Variants in CSTF3 observed in about 807,000 individuals in gnomAD.
CSTF3 encodes CF-1 77 kDa subunit.
CSTF3 carries 29 observed loss-of-function variants against 105.8 expected under a neutral mutation model. The ratio of observed to expected loss-of-function variants is 0.27; its 90% confidence interval spans 0.20 to 0.37. CSTF3 has a LOEUF of 0.37. CSTF3 is among the 10% of genes least tolerant of loss of function. The pLI is 1.00. For synonymous variants in CSTF3, 252 were observed against 281.9 expected (o/e 0.89, Z 1.06); for missense variants, 357 against 879.3 (o/e 0.41, Z 7.51).
chr11:33,118,041 A>C (rs1481469645), intron 3 of CSTF3, among the ~76,000 whole-genome samples: 1 of 151,646 alleles, frequency 6.6e-6, no homozygotes, highest in East Asian at 1.9e-4. Flanking sequence ...AAATAACTCA[A>C]CATTTTCTTT....
chr11:33,128,091 AGG>A (rs1376542284), intron 3 of CSTF3, among the ~76,000 whole-genome samples: 3 of 152,320 alleles, frequency 2.0e-5, no homozygotes, highest in Non-Finnish European at 2.9e-5. Context: ...GTGGTATCTT[AGG>A]ATTCCCATTT....
At chr11:33,104,273 C>T (rs899966502) in intron 8 of CSTF3, among the ~76,000 whole-genome samples, 1 of 152,142 alleles carries the variant, frequency 6.6e-6, no homozygotes, top group African/African-American at 2.4e-5. Flanking sequence ...AAATAGTTGT[C>T]ATTATAACAC....
chr11:33,084,954 A>G lies in CSTF3; in HGVS notation c.*133T>C, dbSNP rs1389058101. Reference sequence around the variant, plus strand: ...GTTGGTTTGTTTTTTCTCAAGAACCATGTGATAGAGGCACCAATGACAATA... The same window carrying G: ...GTTGGTTTGTTTTTTCTCAAGAACCGTGTGATAGAGGCACCAATGACAATA... On this transcript the variant is annotated 3_prime_UTR_variant, in exon 21 of 21. Coordinates refer to ENST00000323959, the MANE Select transcript of CSTF3 (RefSeq NM_001326.3). 1.1e-6 allele frequency: 1 copy of G among 941,772 alleles called. No homozygotes were observed. Among genetic ancestry groups the G allele is most frequent in the South Asian group, 1.4e-5 (1 of 69,844 alleles). 58.3% of individuals were successfully genotyped at this position (941,772 alleles called of 1,614,324 possible).
chr11:33,098,898 A>G, intron 12 of CSTF3, 134 bp from the exon 13 acceptor site: 1 of 1,354,006 alleles, frequency 7.4e-7, no homozygotes, highest in Non-Finnish European at 1.0e-6. Flanking sequence ...GTATAAGCTG[A>G]CAACTAATAA....
intron 1 of CSTF3, among the ~76,000 whole-genome samples, chr11:33,145,552 G>A (rs193041602): frequency 6.6e-6 from 1 of 152,314 alleles, no homozygotes; most frequent in African/African-American, 2.4e-5. Flanking sequence ...GCTCATGCCT[G>A]TAATAATCCC....
At chr11:33,137,775 T>C (rs1855670606) in intron 3 of CSTF3, among the ~76,000 whole-genome samples, 2 of 113,900 alleles carry the variant, frequency 1.8e-5, no homozygotes, top group Non-Finnish European at 4.0e-5. Flanking sequence ...CAGATTTTTT[T>C]TGGTAAAAAG....
chr11:33,119,096 C>T (rs533891571), intron 3 of CSTF3, among the ~76,000 whole-genome samples: 10 of 151,614 alleles, frequency 6.6e-5, no homozygotes, highest in African/African-American at 2.4e-4. Context: ...GTTCAGAAAA[C>T]CATTTACTTA....
intron 1 of CSTF3, among the ~76,000 whole-genome samples, chr11:33,148,714 C>T (rs934921153): frequency 4.0e-5 from 6 of 151,440 alleles, no homozygotes; most frequent in Non-Finnish European, 5.9e-5. Flanking sequence ...AAAAACTATG[C>T]TCTCTAGTTG....
At chr11:33,098,090 T>G (rs1855243443) in intron 13 of CSTF3, among the ~76,000 whole-genome samples, 2 of 152,232 alleles carry the variant, frequency 1.3e-5, no homozygotes, top group East Asian at 3.9e-4. Flanking sequence ...TATAAATCAT[T>G]AACAAGAAAA....
intron 13 of CSTF3, among the ~76,000 whole-genome samples, chr11:33,097,817 C>G (rs141314398): frequency 6.6e-6 from 1 of 152,286 alleles, no homozygotes; most frequent in South Asian, 2.1e-4. Flanking sequence ...CATGAGTATG[C>G]AGTTTTGTTT....
chr11:33,101,565 A>C (rs551305518), intron 10 of CSTF3, among the ~76,000 whole-genome samples: 1 of 152,368 alleles, frequency 6.6e-6, no homozygotes, highest in Admixed American at 6.5e-5. Flanking sequence ...CTAAGCCTCC[A>C]CAAAGTCCAA....
chr11:33,085,331 A>C (rs1564999946), intron 20 of CSTF3, 42 bp from the exon 21 acceptor site: 1 of 1,465,096 alleles, frequency 6.8e-7, no homozygotes. Context: ...ATATTCCACT[A>C]TGAAAGGGTA....
At chr11:33,123,433 T>C (rs1302651414) in intron 3 of CSTF3, among the ~76,000 whole-genome samples, 1 of 152,100 alleles carries the variant, frequency 6.6e-6, no homozygotes, top group Non-Finnish European at 1.5e-5. Context: ...TATGACAACC[T>C]CTGTGGAAGA....
chr11:33,147,135 A>C (rs1287644800), intron 1 of CSTF3, among the ~76,000 whole-genome samples: 1 of 152,034 alleles, frequency 6.6e-6, no homozygotes, highest in Non-Finnish European at 1.5e-5. Context: ...TACCAAAACA[A>C]AACAAAAACA....
chr11:33,158,734 A>C (rs1849898079), intron 1 of CSTF3, among the ~76,000 whole-genome samples: 1 of 152,218 alleles, frequency 6.6e-6, no homozygotes, highest in East Asian at 1.9e-4. Flanking sequence ...TAACCCAAAT[A>C]TCAAGGCTGA....
chr11:33,100,221 G>A (rs1023031573), intron 10 of CSTF3, among the ~76,000 whole-genome samples: 2 of 152,034 alleles, frequency 1.3e-5, no homozygotes, highest in Non-Finnish European at 2.9e-5. Flanking sequence ...CAGGCATGGT[G>A]GTGGGTGCCT....
intron 3 of CSTF3, among the ~76,000 whole-genome samples, chr11:33,113,112 CAGG>C (rs1335987517): frequency 1.3e-5 from 2 of 151,822 alleles, no homozygotes; most frequent in Admixed American, 1.3e-4. Flanking sequence ...GAGGCTGAGG[CAGG>C]AGAATCATTT....
chr11:33,091,253 G>A (rs1028086398), intron 16 of CSTF3, among the ~76,000 whole-genome samples: 1 of 152,154 alleles, frequency 6.6e-6, no homozygotes, highest in Non-Finnish European at 1.5e-5. Flanking sequence ...TCCCATTAAC[G>A]TGGATCACTG....
At position 33,085,693 on chromosome 11, in the gene CSTF3, A is replaced by G. The variant is rs1855098121; in HGVS notation, c.1951+20T>C. The G allele has an allele frequency of 1.9e-6, 3 of 1,591,234 alleles. No homozygotes were observed. Among genetic ancestry groups the G allele is most frequent in the Non-Finnish European group, 2.6e-6 (3 of 1,160,382 alleles). On this transcript the variant is annotated intron_variant, in intron 20 of 20. Transcript: ENST00000323959. ...CAACAACGTGGAATGACACTCTGAA[A>G]TGGAGCTTCTGTTACTTACTATTTG...
Sources: allele counts gnomAD v4.1 joint callset (sites outside exome capture counted in the v4.1 genomes callset), GRCh38; gene constraint gnomAD v4.1.1; transcripts MANE v1.5; gene names NCBI Gene and HGNC (gene_info 2026-07-23, HGNC 2026-07-21).